Variants in DMD observed in about 807,000 individuals in gnomAD.
The protein encoded by DMD is mutant dystrophin.
Under a neutral mutation model 330.1 loss-of-function variants are expected in DMD, and 63 were observed. The ratio of observed to expected loss-of-function variants is 0.19; its 90% confidence interval spans 0.16 to 0.24. The LOEUF is 0.24. Among genes scored for constraint, DMD ranks in the 10% least tolerant of loss-of-function variants. The pLI is 1.00. For synonymous variants in DMD, 1,223 were observed against 959.8 expected, an observed-to-expected ratio of 1.27 and a Z score of -5.07; for missense variants, 3,344 against 2,684.1, an observed-to-expected ratio of 1.25 and a Z score of -5.43.
At chrX:32,747,175 C>G (rs115787809) in intron 7 of DMD, among the ~76,000 whole-genome samples, 1,925 of 112,412 alleles carry the variant, frequency 0.017, 43 homozygotes, top group African/African-American at 0.058. Context: ...CTGATGTGCA[C>G]TCAAGTTTGA....
At chrX:31,610,767 C>T (rs1204672507) in intron 55 of DMD, among the ~76,000 whole-genome samples, 1 of 111,230 alleles carries the variant, frequency 9.0e-6, no homozygotes. Context: ...TCATATTAGG[C>T]TAAGATATAA....
chrX:31,178,931 G>C, intron 69 of DMD, 126 bp from the exon 70 acceptor site: 1 of 874,214 alleles, frequency 1.1e-6, no homozygotes, highest in Non-Finnish European at 1.6e-6. Flanking sequence ...TGTGAGCAAA[G>C]GCTTTGGAAT....
intron 47 of DMD, 95 bp from the exon 48 acceptor site, chrX:31,875,468 T>C (rs1256229924): frequency 1.3e-5 from 9 of 692,615 alleles, no homozygotes; most frequent in Non-Finnish European, 2.0e-5. Context: ...TATCATGAAA[T>C]ATTACAGAAT....
intron 44 of DMD, among the ~76,000 whole-genome samples, chrX:32,163,151 T>C (rs772109045): frequency 4.5e-5 from 5 of 111,592 alleles, no homozygotes; most frequent in African/African-American, 6.5e-5. Context: ...CTTATCCACC[T>C]TGGACTCATC....
intron 13 of DMD, among the ~76,000 whole-genome samples, chrX:32,590,412 T>G (rs929334022): frequency 9.0e-6 from 1 of 111,355 alleles, no homozygotes; most frequent in Non-Finnish European, 1.9e-5. Context: ...CCTAGATCAC[T>G]GATGAAGTAT....
chrX:32,497,298 C>T (rs1283329357), intron 19 of DMD, among the ~76,000 whole-genome samples: 1 of 112,208 alleles, frequency 8.9e-6, no homozygotes, highest in Non-Finnish European at 1.9e-5. Context: ...TCAGGTATCA[C>T]CTTAAACACT....
chrX:31,365,894 C>T (rs895818088), intron 60 of DMD, among the ~76,000 whole-genome samples: 3 of 112,264 alleles, frequency 2.7e-5, no homozygotes, highest in Admixed American at 9.4e-5. Context: ...GGGTCTAAAC[C>T]GATTAAAAAG....
At chrX:31,405,693 A>G (rs982571650) in intron 60 of DMD, among the ~76,000 whole-genome samples, 6 of 112,022 alleles carry the variant, frequency 5.4e-5, no homozygotes, top group African/African-American at 1.9e-4. Flanking sequence ...GTGAACAATC[A>G]GCAATAATAG....
At chrX:31,940,194 G>T (rs1316882708) in intron 45 of DMD, among the ~76,000 whole-genome samples, 2 of 111,795 alleles carry the variant, frequency 1.8e-5, no homozygotes, top group African/African-American at 6.5e-5. Context: ...ATATTGAGGG[G>T]AAGATGGGGA....
intron 78 of DMD, 106 bp downstream of exon 78, chrX:31,126,536 A>G: frequency 3.0e-6 from 2 of 668,305 alleles, no homozygotes; most frequent in Non-Finnish European, 2.5e-6. Context: ...CACAATGTGT[A>G]ATACACACAT....
rs1921391 is a variant in DMD, at chrX:31,278,278, A to G, written c.9225-17262T>C. Among the ~76,000 whole-genome samples, 837 of 111,812 alleles carry G rather than the reference A, an allele frequency of 7.5e-3. 14 individuals are homozygous for G. Among genetic ancestry groups the G allele is most frequent in the African/African-American group, 0.025 (769 of 30,738 alleles). ...CCACTGGACAATCATGCATCATTATAATTTCTCTAGACTAGGATTTGGAAA... is the reference window on the plus strand; with the variant it reads ...CCACTGGACAATCATGCATCATTATGATTTCTCTAGACTAGGATTTGGAAA... On this transcript the variant is annotated intron_variant, in intron 62 of 78. Transcript: ENST00000357033.
intron 59 of DMD, among the ~76,000 whole-genome samples, chrX:31,455,666 T>A (rs762053695): frequency 1.8e-5 from 2 of 112,584 alleles, no homozygotes; most frequent in Admixed American, 1.9e-4. Context: ...TGCTAATTTC[T>A]GAAGCATCTC....
chrX:32,376,964 T>A (rs2097905817), intron 34 of DMD, among the ~76,000 whole-genome samples: 1 of 111,584 alleles, frequency 9.0e-6, no homozygotes, highest in South Asian at 3.7e-4. Flanking sequence ...ACACGGCTAG[T>A]TAAAAACCAA....
intron 41 of DMD, among the ~76,000 whole-genome samples, chrX:32,329,725 T>C (rs1398915409): frequency 1.8e-5 from 2 of 112,522 alleles, no homozygotes; most frequent in African/African-American, 6.4e-5. Flanking sequence ...TCATTTATTT[T>C]TCATCACCCA....
intron 1 of DMD, among the ~76,000 whole-genome samples, chrX:33,314,115 A>G (rs962854163): frequency 9.3e-6 from 1 of 106,984 alleles, no homozygotes; most frequent in Non-Finnish European, 1.9e-5. Flanking sequence ...TTACACACGC[A>G]CACACACACA....
chrX:31,418,409 T>A, intron 60 of DMD, among the ~76,000 whole-genome samples: 1 of 111,707 alleles, frequency 9.0e-6, no homozygotes, highest in East Asian at 2.8e-4. Flanking sequence ...GGTTTCCACA[T>A]ATGAATTTTG....
chrX:31,909,257 G>T (rs970268709), intron 47 of DMD, among the ~76,000 whole-genome samples: 2 of 111,478 alleles, frequency 1.8e-5, no homozygotes, highest in African/African-American at 6.5e-5. Context: ...GTAGAGTTTG[G>T]TTGAGATTTA....
chrX:31,522,406 C>T (rs1399607463), intron 55 of DMD, among the ~76,000 whole-genome samples: 1 of 81,149 alleles, frequency 1.2e-5, no homozygotes, highest in East Asian at 4.0e-4. Flanking sequence ...GGAAGGAGGG[C>T]CTGGATTGTG....
chrX:32,245,387 A>G (rs12383363), intron 43 of DMD, among the ~76,000 whole-genome samples: 34,720 of 77,040 alleles, frequency 0.45, 7,598 homozygotes, highest in East Asian at 0.7. Context: ...GTTTGAAGTC[A>G]GCTAGTGTGA....
Sources: allele counts gnomAD v4.1 joint callset (sites outside exome capture counted in the v4.1 genomes callset), GRCh38; gene constraint gnomAD v4.1.1; transcripts MANE v1.5; gene names NCBI Gene and HGNC (gene_info 2026-07-23, HGNC 2026-07-21).